Variants in EYA3 observed in about 807,000 individuals in gnomAD.
EYA3 encodes the protein EYA transcriptional coactivator and phosphatase 3, also known as protein phosphatase EYA3.
In EYA3, 39 loss-of-function variants were observed where a neutral mutation model predicts 80.0. The ratio of observed to expected loss-of-function variants is 0.49; its 90% CI spans 0.38 to 0.64. The LOEUF (loss-of-function observed/expected upper bound fraction) is 0.64. Ranked by LOEUF, EYA3 falls within the 30% of genes least tolerant of loss-of-function variation. The probability of loss-of-function intolerance (pLI) is 0.00; values close to 1 mark genes in which losing one functional copy is unlikely to be tolerated. For missense variants in EYA3, 523 were observed against 676.1 expected, an observed-to-expected ratio of 0.77 and a Z score of 2.51; for synonymous variants, 206 against 232.8, an observed-to-expected ratio of 0.88 and a Z score of 1.05.
intron 11 of EYA3, among the ~76,000 whole-genome samples, 167 bp from the exon 12 acceptor site, chr1:28,000,216 G>C (rs770023701): frequency 1.3e-4 from 20 of 152,294 alleles, no homozygotes; most frequent in Non-Finnish European, 2.1e-4. Flanking sequence ...ATCCAGGATT[G>C]TAAAATAGAG....
At chr1:28,058,395 TA>T (rs1644505804) in intron 1 of EYA3, among the ~76,000 whole-genome samples, 3 of 152,274 alleles carry the variant, frequency 2.0e-5, no homozygotes, top group African/African-American at 4.8e-5. Context: ...GATAATAAAA[TA>T]TTTTTTTAAG....
intron 3 of EYA3, 80 bp downstream of exon 3, chr1:28,048,303 G>T: frequency 1.1e-6 from 1 of 879,474 alleles, no homozygotes; most frequent in Non-Finnish European, 1.7e-6. Context: ...GGCAAAGCAT[G>T]CCCATACGCT....
intron 10 of EYA3, among the ~76,000 whole-genome samples, chr1:28,004,768 T>TA (rs1641150054): frequency 6.6e-6 from 1 of 151,922 alleles, no homozygotes; most frequent in Admixed American, 6.6e-5. Flanking sequence ...CCTAATTGCA[T>TA]ATCTTAAGAA....
chr1:28,023,251 G>A (rs924349335), intron 7 of EYA3, among the ~76,000 whole-genome samples: 6 of 152,074 alleles, frequency 3.9e-5, no homozygotes, highest in African/African-American at 1.2e-4. Context: ...AAAAATGACT[G>A]AATAAATCAA....
chr1:27,984,882 TTC>T (rs918913295), intron 16 of EYA3, among the ~76,000 whole-genome samples: 66 of 152,248 alleles, frequency 4.3e-4, no homozygotes, highest in African/African-American at 1.5e-3. Flanking sequence ...TCTCCTTCCA[TTC>T]TCTCTCATTT....
At chr1:28,037,198 T>C (rs528207373) in intron 5 of EYA3, among the ~76,000 whole-genome samples, 131 of 152,244 alleles carry the variant, frequency 8.6e-4, no homozygotes, top group African/African-American at 3.0e-3. Flanking sequence ...CTTTGTAAAA[T>C]GGTTTAGAAA....
intron 1 of EYA3, among the ~76,000 whole-genome samples, chr1:28,062,224 G>A (rs1019147481): frequency 6.6e-6 from 1 of 152,222 alleles, no homozygotes; most frequent in Non-Finnish European, 1.5e-5. Flanking sequence ...GAGCTTGTCA[G>A]TATTCATTTG....
intron 2 of EYA3, among the ~76,000 whole-genome samples, chr1:28,057,467 C>T (rs1173637202): frequency 6.6e-6 from 1 of 151,496 alleles, no homozygotes; most frequent in Admixed American, 6.6e-5. Flanking sequence ...TATTAAGGGC[C>T]AAAAACCAAA....
chr1:28,010,981 G>A lies in EYA3; in HGVS notation c.875C>T (p.Ala292Val), dbSNP rs767309036. The A allele has an allele frequency of 1.2e-6, 2 of 1,614,082 alleles. No individual in the cohort carries two copies. Among genetic ancestry groups the A allele is most frequent in the Non-Finnish European group, 8.5e-7 (1 of 1,179,966 alleles). Reference sequence around the variant, plus strand: ...ACTGTCTTGGGAAGAAGTGGCATCAGCTTTCCTCTTGCCCCGGTTCTTGCT... The same window carrying A: ...ACTGTCTTGGGAAGAAGTGGCATCAACTTTCCTCTTGCCCCGGTTCTTGCT... ...MTSKNRGKRK[A>V]DATSSQDSEL... The change falls in exon 10 of 18, where the codon GCT (alanine) becomes GTT (valine). Residue 292 changes from alanine to valine, a missense_variant. Around this residue, in one of 2 missense-constraint regions of EYA3, gnomAD observed 219 missense variants for 332.8 expected, o/e 0.66. Transcript: ENST00000373871.
intron 16 of EYA3, among the ~76,000 whole-genome samples, chr1:27,984,959 A>G (rs1639552790): frequency 6.6e-6 from 1 of 152,188 alleles, no homozygotes; most frequent in Non-Finnish European, 1.5e-5. Context: ...AGTTCTATAA[A>G]ATTTCAATTC....
intron 4 of EYA3, among the ~76,000 whole-genome samples, chr1:28,040,856 G>C (rs1388185258): frequency 1.2e-5 from 1 of 83,162 alleles, no homozygotes; most frequent in African/African-American, 4.0e-5. Flanking sequence ...CGGAGGGGCA[G>C]GGGGGGGTCG....
chr1:28,069,496 T>A (rs1387471756), intron 1 of EYA3, among the ~76,000 whole-genome samples: 2 of 143,588 alleles, frequency 1.4e-5, no homozygotes, highest in African/African-American at 5.2e-5. Flanking sequence ...AGTAATCTGG[T>A]AATCTGGTAT....
At chr1:28,054,786 G>A (rs1644381738) in intron 2 of EYA3, among the ~76,000 whole-genome samples, 1 of 152,190 alleles carries the variant, frequency 6.6e-6, no homozygotes, top group South Asian at 2.1e-4. Context: ...GGGAGGCGGA[G>A]GCTGCAGTAA....
At chr1:28,005,157 T>C (rs1641176970) in intron 10 of EYA3, among the ~76,000 whole-genome samples, 1 of 152,172 alleles carries the variant, frequency 6.6e-6, no homozygotes, top group South Asian at 2.1e-4. Context: ...CAAAATCCGG[T>C]AAGAGCTATA....
At chr1:27,989,047 AGATAT>A (rs1639854666) in intron 15 of EYA3, among the ~76,000 whole-genome samples, 1 of 152,238 alleles carries the variant, frequency 6.6e-6, no homozygotes, top group Admixed American at 6.5e-5. Flanking sequence ...TCCATAAATG[AGATAT>A]GATTTGTGTT....
At chr1:28,082,059 C>T (rs941968281) in intron 1 of EYA3, among the ~76,000 whole-genome samples, 17 of 152,100 alleles carry the variant, frequency 1.1e-4, no homozygotes, top group African/African-American at 3.9e-4. Flanking sequence ...GCAAAGCTTA[C>T]TCTGTTCAGC....
intron 14 of EYA3, among the ~76,000 whole-genome samples, chr1:27,990,743 G>A (rs767073523): frequency 4.0e-5 from 6 of 151,768 alleles, no homozygotes; most frequent in Non-Finnish European, 7.4e-5. Context: ...AGTAGAGATG[G>A]GGTTTCATCA....
At chr1:28,006,676 A>C (rs1641301582) in intron 10 of EYA3, among the ~76,000 whole-genome samples, 1 of 152,178 alleles carries the variant, frequency 6.6e-6, no homozygotes, top group Non-Finnish European at 1.5e-5. Flanking sequence ...ACTGCACTCC[A>C]GACTGGGTGA....
At chr1:28,077,104 CTTTTTTTTTT>C in intron 1 of EYA3, among the ~76,000 whole-genome samples, 2 of 114,096 alleles carry the variant, frequency 1.8e-5, no homozygotes, top group South Asian at 5.6e-4. Context: ...ACAAAACAAT[CTTTTTTTTTT>C]TTTTTTTTTG....
Sources: gnomAD v4.1 joint callset for allele counts (sites outside exome capture counted in the v4.1 genomes callset) on GRCh38, gnomAD v4.1.1 for gene constraint, gnomAD v4.1.1 regional missense constraint, MANE v1.5 for transcripts, NCBI Gene and HGNC (gene_info 2026-07-23, HGNC 2026-07-21) for gene names.